The following BBOF1 variants were observed in gnomAD, a reference collection of about 807,000 sequenced individuals.
BBOF1 encodes the protein basal body orientation factor 1.
In BBOF1, 62 loss-of-function variants were observed where a neutral mutation model predicts 68.0. The observed-to-expected ratio is 0.91, with a 90% CI of 0.74 to 1.13. BBOF1 has a LOEUF of 1.13. BBOF1 is among the 50% of genes most tolerant of loss of function. The probability of loss-of-function intolerance (pLI) is 0.00; values close to 1 mark genes in which losing one functional copy is unlikely to be tolerated. For missense variants in BBOF1, 534 were observed against 600.1 expected (o/e 0.89, Z 1.15); for synonymous variants, 208 against 198.8 (o/e 1.05, Z -0.39).
Position 74,049,784 on chromosome 14 carries a change from T to C in BBOF1, c.875T>C (p.Val292Ala). 6.2e-7 allele frequency: 1 copy of C among 1,614,158 alleles called. No individual in the cohort carries two copies. Among genetic ancestry groups the C allele is most frequent in the Non-Finnish European group, 8.5e-7 (1 of 1,180,030 alleles). ...RSQIQTLQKK[V>A]VNLETALSYM... Reference sequence around the variant, plus strand: ...CAAATCCAAACCCTTCAGAAGAAGGTAGTAAACTTGGAGACTGCTCTGAGT... The same window carrying C: ...CAAATCCAAACCCTTCAGAAGAAGGCAGTAAACTTGGAGACTGCTCTGAGT... Residue 292 changes from valine (V) to alanine (A), a missense_variant, in exon 8 of 12, where the codon GTA (valine) becomes GCA (alanine). Physicochemically the swap from Val to Ala is moderately conservative, Grantham distance 64. Transcript: ENST00000394009.
chr14:74,080,061 A>G (rs995682260), intron 10 of BBOF1, among the ~76,000 whole-genome samples: 2 of 152,122 alleles, frequency 1.3e-5, no homozygotes, highest in Non-Finnish European at 2.9e-5. Context: ...CCAAAAAACA[A>G]AAGCAAAAGC....
rs536282358 is a variant in BBOF1 at position 74,042,941 on chromosome 14, G to A, written c.576+2296G>A. ...GGGAAAGTGAATGTTTGTTTTCCTC[G>A]CCATTAGTGGAAGCTAGGGAGGAAA... On this transcript the variant is annotated intron_variant, in intron 5 of 11. Coordinates refer to ENST00000394009, the MANE Select transcript of BBOF1 (RefSeq NM_025057.3). 4.7e-4 allele frequency among the ~76,000 whole-genome samples: 71 copies of A among 149,752 alleles called. 1 individual carries two copies. The highest frequency in any genetic ancestry group is 6.3e-4 in the South Asian group (3 of 4,734).
chr14:74,064,734 C>CA lies in BBOF1; in HGVS notation c.*36dup. Reference sequence around the variant, plus strand: ...ATTATGACCTCACAGATGCTGCTGGCAGTCCCTTCCTTGCAGAATCCTTGC... The same window carrying CA: ...ATTATGACCTCACAGATGCTGCTGGCAAGTCCCTTCCTTGCAGAATCCTTGC... On this transcript the variant is annotated 3_prime_UTR_variant, in exon 12 of 12. Coordinates refer to ENST00000394009, the MANE Select transcript of BBOF1 (RefSeq NM_025057.3). 1 of 1,612,334 alleles carries CA rather than the reference C, an allele frequency of 6.2e-7. No homozygotes were observed. The highest frequency in any genetic ancestry group is 2.2e-5 in the East Asian group (1 of 44,864).
At chr14:74,074,120 G>A (rs2139799455) in intron 9 of BBOF1, among the ~76,000 whole-genome samples, 1 of 151,240 alleles carries the variant, frequency 6.6e-6, no homozygotes, top group East Asian at 2.0e-4. Context: ...AGGCAGCTGG[G>A]ACCATAGGTA....
intron 5 of BBOF1, among the ~76,000 whole-genome samples, chr14:74,045,306 T>A (rs1032982630): frequency 6.6e-6 from 1 of 151,858 alleles, no homozygotes; most frequent in Non-Finnish European, 1.5e-5. Flanking sequence ...CATAGTATTA[T>A]TTTTTATTTA....
intron 4 of BBOF1, 91 bp downstream of exon 4, chr14:74,034,262 G>C: frequency 1.3e-6 from 1 of 778,510 alleles, no homozygotes; most frequent in Non-Finnish European, 1.9e-6. Flanking sequence ...CCTGTGAGAC[G>C]GCAAAGAACT....
intron 9 of BBOF1, among the ~76,000 whole-genome samples, chr14:74,075,453 T>G (rs1204385060): frequency 1.3e-5 from 2 of 151,894 alleles, no homozygotes; most frequent in African/African-American, 4.8e-5. Context: ...GTCTAGGAGT[T>G]TTGAGACCAC....
chr14:74,052,749 C>T (rs1595080014), intron 8 of BBOF1, among the ~76,000 whole-genome samples: 1 of 152,120 alleles, frequency 6.6e-6, no homozygotes, highest in East Asian at 1.9e-4. Flanking sequence ...GTAATTCCAG[C>T]ACTTTGGGAG....
chr14:74,032,349 A>C (rs2059591320), intron 3 of BBOF1, among the ~76,000 whole-genome samples: 1 of 149,410 alleles, frequency 6.7e-6, no homozygotes, highest in Non-Finnish European at 1.5e-5. Flanking sequence ...CTGGTCTTGA[A>C]CTCCTGACCT....
At position 74,047,922 on chromosome 14, in the gene BBOF1, T is replaced by C. The variant is rs1313295002; in HGVS notation, c.648-8T>C. On this transcript the variant is annotated splice_polypyrimidine_tract_variant and splice_region_variant and intron_variant, in intron 6 of 11. Coordinates refer to ENST00000394009, the MANE Select transcript of BBOF1 (RefSeq NM_025057.3). ...GACCTGTGTTTTGAGATCTTATATC[T>C]ATTTCAGGCAATTGAACGATGCTGG... 3 of 1,590,084 alleles carry C rather than the reference T, an allele frequency of 1.9e-6. No individual in the cohort carries two copies. The highest frequency in any genetic ancestry group is 2.6e-6 in the Non-Finnish European group (3 of 1,171,692).
At chr14:74,071,845 C>G in intron 9 of BBOF1, 1 of 1,586,336 alleles carries the variant, frequency 6.3e-7, no homozygotes, top group Non-Finnish European at 8.7e-7. Flanking sequence ...TCTTTGCCTC[C>G]CATCTTCCTT....
At chr14:74,045,542 C>T (rs1423332793) in intron 5 of BBOF1, among the ~76,000 whole-genome samples, 1 of 152,176 alleles carries the variant, frequency 6.6e-6, no homozygotes, top group Non-Finnish European at 1.5e-5. Flanking sequence ...CTCCTGACCT[C>T]AGGTCATCCA....
intron 5 of BBOF1, among the ~76,000 whole-genome samples, chr14:74,044,143 G>A (rs2059896639): frequency 6.6e-6 from 1 of 151,902 alleles, no homozygotes; most frequent in Non-Finnish European, 1.5e-5. Flanking sequence ...CTACTTGGGA[G>A]GCTGAGACAT....
downstream of BBOF1, chr14:74,068,867 G>C: frequency 6.2e-7 from 1 of 1,613,884 alleles, no homozygotes; most frequent in African/African-American, 1.3e-5. Flanking sequence ...CACCATATTG[G>C]CTTGAACCCT....
chr14:74,042,563 C>A (rs904296152), intron 5 of BBOF1, among the ~76,000 whole-genome samples: 1 of 152,138 alleles, frequency 6.6e-6, no homozygotes, highest in Non-Finnish European at 1.5e-5. Context: ...AAGGGAGGCT[C>A]CAGCTGTGTC....
chr14:74,067,641 G>A (rs2060489058), downstream of BBOF1: 1 of 1,526,120 alleles, frequency 6.6e-7, no homozygotes, highest in Non-Finnish European at 9.0e-7. Context: ...TTAAGCAGTG[G>A]ACCAGGTGTG....
At position 74,057,495 on chromosome 14, in the gene BBOF1, C is replaced by T. The variant is rs116716441; in HGVS notation, c.1578+237C>T. 2,034 of 1,397,862 alleles carry T rather than the reference C, an allele frequency of 1.5e-3. 27 individuals are homozygous for T. In the African/African-American group the frequency reaches 0.026, roughly 18 times the overall value. The allele number at this position is 1,397,862 out of a possible 1,614,324, so 86.6% of individuals were successfully genotyped here. ...TTTTTGTGTAGAAACCTATAGGTTG[C>T]CTTTTGAAGTAAACAGCCTAGCCAA... On this transcript the variant is annotated intron_variant, in intron 11 of 11. Transcript: ENST00000394009.
intron 9 of BBOF1, among the ~76,000 whole-genome samples, chr14:74,074,623 C>T (rs765720): frequency 0.068 from 10,381 of 152,136 alleles, 555 homozygotes; most frequent in South Asian, 0.26. Flanking sequence ...TGTGTGCATA[C>T]TTCTGTGTAG....
At chr14:74,041,942 C>T (rs938006874) in intron 5 of BBOF1, among the ~76,000 whole-genome samples, 3 of 152,094 alleles carry the variant, frequency 2.0e-5, no homozygotes, top group African/African-American at 4.8e-5. Flanking sequence ...GAGGCTGAGA[C>T]GGGAGAATTG....
Sources: allele counts gnomAD v4.1 joint callset (sites outside exome capture counted in the v4.1 genomes callset), GRCh38; gene constraint gnomAD v4.1.1; transcripts MANE v1.5; gene names NCBI Gene and HGNC (gene_info 2026-07-23, HGNC 2026-07-21).